The following SORBS3 variants were observed in gnomAD, a reference collection of about 807,000 sequenced individuals.
SORBS3 encodes vinexin.
SORBS3 carries 69 observed loss-of-function variants against 98.0 expected under a neutral mutation model. That is an observed-to-expected ratio of 0.70 (90% confidence interval 0.58 to 0.86). The LOEUF is 0.86. Among genes scored for constraint, SORBS3 ranks in the 40% least tolerant of loss-of-function variants. SORBS3 has a pLI of 0.00. For missense variants in SORBS3, 954 were observed against 908.5 expected (o/e 1.05, Z -0.64); for synonymous variants, 394 against 355.4 (o/e 1.11, Z -1.22).
Position 22,572,325 on chromosome 8 carries a change from A to T in SORBS3, c.1848-15A>T. The stretch of plus-strand genomic sequence containing the variant: ...CTGGGCCCATTCTCTGGTTGCCATG[A>T]TACGCTTCTCGCAGGTACCGGGCGA... On this transcript the variant is annotated splice_polypyrimidine_tract_variant and intron_variant, in intron 19 of 20. Transcript: ENST00000240123. The T allele has an allele frequency of 6.2e-7, 1 of 1,610,866 alleles. No homozygotes were observed.
Position 22,574,849 on chromosome 8 carries a change from G to T in SORBS3, c.*121G>T. On this transcript the variant is annotated 3_prime_UTR_variant, in exon 21 of 21. Transcript: ENST00000240123. ...AGGACCTGAGCTCCCAGCATCTGCA[G>T]ACGACCCCCGCAGCCTTTCCCTCGG... 1 of 966,694 alleles carries T rather than the reference G, an allele frequency of 1.0e-6. No individual in the cohort carries two copies. The highest frequency in any genetic ancestry group is 1.3e-5 in the South Asian group (1 of 77,712). 59.9% of individuals were successfully genotyped at this position (966,694 alleles called of 1,614,324 possible).
chr8:22,569,292 G>C lies in SORBS3; in HGVS notation c.1431+19G>C. On this transcript the variant is annotated intron_variant, in intron 17 of 20. Coordinates refer to ENST00000240123, the MANE Select transcript of SORBS3 (RefSeq NM_005775.5). ...CCGCAAGGTGGGCCAGGCCGGAGAC[G>C]GAGGGGTGGGTGGGGGCAGGTGAAG... 1 of 1,570,136 alleles carries C rather than the reference G, an allele frequency of 6.4e-7. No individual in the cohort carries two copies. The highest frequency in any genetic ancestry group is 8.6e-7 in the Non-Finnish European group (1 of 1,156,664).
chr8:22,569,347 T>G, intron 17 of SORBS3, 74 bp downstream of exon 17: 1 of 743,340 alleles, frequency 1.3e-6, no homozygotes, highest in Non-Finnish European at 1.8e-6. Flanking sequence ...CTAAAAACAG[T>G]TTTTTTTTTT....
chr8:22,557,995 G>A, intron 4 of SORBS3, 134 bp from the exon 5 acceptor site: 1 of 790,108 alleles, frequency 1.3e-6, no homozygotes, highest in South Asian at 1.4e-5. Flanking sequence ...GATCGCAAGA[G>A]AAGCATTTCC....
intron 10 of SORBS3, 184 bp from the exon 11 acceptor site, chr8:22,565,084 G>A (rs1307207280): frequency 9.1e-6 from 13 of 1,433,424 alleles, no homozygotes; most frequent in Non-Finnish European, 1.2e-5. Flanking sequence ...GTGAGAGGCC[G>A]TGGCGGGGAT....
chr8:22,570,484 C>T (rs991077035), intron 17 of SORBS3, among the ~76,000 whole-genome samples: 5 of 152,202 alleles, frequency 3.3e-5, no homozygotes, highest in African/African-American at 1.2e-4. Flanking sequence ...GTTCACACCT[C>T]ATAGTGACAG....
Position 22,574,872 on chromosome 8 carries a change from C to T in SORBS3, c.*144C>T. The T allele has an allele frequency of 2.6e-6, 2 of 781,868 alleles. No homozygotes were observed. The highest frequency in any genetic ancestry group is 4.5e-6 in the Non-Finnish European group (2 of 447,494). 48.4% of individuals were successfully genotyped at this position (781,868 alleles called of 1,614,324 possible). ...CAGACGACCCCCGCAGCCTTTCCCT[C>T]GGACCCCCCTCGAAGCCCCCTGGAC... On this transcript the variant is annotated 3_prime_UTR_variant, in exon 21 of 21. Transcript: ENST00000240123.
chr8:22,571,731 C>A lies in SORBS3; in HGVS notation c.1757C>A (p.Pro586His). 2 of 1,613,816 alleles carry A rather than the reference C, an allele frequency of 1.2e-6. No individual in the cohort carries two copies. The highest frequency in any genetic ancestry group is 2.2e-5 in the East Asian group (1 of 44,878). Reference protein sequence around the residue: ...PRPQTQNLGTPGPALSHSRGP... With the variant: ...PRPQTQNLGTHGPALSHSRGP... ...GTCAACTCCCAGAATCTTGGCACCCCTGGTCCAGCTCTGTCCCACTCTCGA... is the reference window on the plus strand; with the variant it reads ...GTCAACTCCCAGAATCTTGGCACCCATGGTCCAGCTCTGTCCCACTCTCGA... Residue 586 changes from proline (P) to histidine (H), a missense_variant, in exon 19 of 21, where the codon CCT (proline) becomes CAT (histidine). By Grantham distance (77) the Pro-to-His change is moderately conservative (BLOSUM62 -2). Coordinates refer to ENST00000240123, the MANE Select transcript of SORBS3 (RefSeq NM_005775.5).
chr8:22,564,758 G>C (rs2117258705), intron 10 of SORBS3: 3 of 1,407,116 alleles, frequency 2.1e-6, no homozygotes, highest in East Asian at 2.6e-5. Flanking sequence ...GGAGTGGTCA[G>C]TGCGCACTGG....
intron 4 of SORBS3, among the ~76,000 whole-genome samples, chr8:22,557,381 T>C (rs2469765): frequency 0.49 from 74,974 of 152,022 alleles, 18,646 homozygotes; most frequent in African/African-American, 0.55. Context: ...CATCCACCTT[T>C]GTGTCTTGAG....
chr8:22,566,291 C>A lies in SORBS3; in HGVS notation c.951-54C>A, dbSNP rs570093991. ...GGGGTCAGAGCGGTCTAGGGGTGAC[C>A]AGGGTGGGGTGCGGAGCCCCAGGCT... On this transcript the variant is annotated intron_variant, in intron 12 of 20. Transcript: ENST00000240123. 5,210 of 1,586,708 alleles carry A rather than the reference C, an allele frequency of 3.3e-3. 10 individuals carry two copies. Among genetic ancestry groups the A allele is most frequent in the Non-Finnish European group, 4.0e-3 (4,726 of 1,168,790 alleles).
intron 12 of SORBS3, chr8:22,566,110 G>A (rs999698563): frequency 5.3e-6 from 3 of 566,456 alleles, no homozygotes; most frequent in Non-Finnish European, 8.0e-6. Flanking sequence ...GGGGCGCAGC[G>A]CGGTTAGGGC....
intron 6 of SORBS3, chr8:22,561,652 C>T: frequency 1.6e-6 from 1 of 615,970 alleles, no homozygotes; most frequent in Non-Finnish European, 2.9e-6. Flanking sequence ...ATCACCTACT[C>T]GGAGTTGTTT....
In SORBS3 at chr8:22,556,815, G is replaced by A; in HGVS notation, c.321G>A (p.Trp107Ter). The part of the protein sequence containing the change: ...SQHTQNWSAT[W>*]TKDSKRRDKR... ...ACACCCAGAACTGGTCAGCCACGTG[G>A]ACCAAGGACAGCAAGCGTCGGGACA... The change falls in exon 4 of 21, where the codon TGG becomes TGA. Residue 107 changes from tryptophan (W) to a stop codon, truncating the protein, a stop_gained. Transcript: ENST00000240123. LOFTEE classifies it high-confidence loss of function. 6.2e-7 allele frequency: 1 copy of A among 1,613,758 alleles called. No homozygotes were observed. Among genetic ancestry groups the A allele is most frequent in the South Asian group, 1.1e-5 (1 of 91,082 alleles).
intron 20 of SORBS3, 100 bp from the exon 21 acceptor site, chr8:22,574,567 C>T: frequency 8.5e-7 from 1 of 1,180,492 alleles, no homozygotes; most frequent in Non-Finnish European, 1.2e-6. Flanking sequence ...ACAGAACTCC[C>T]CTACAGTTCT....
intron 1 of SORBS3, among the ~76,000 whole-genome samples, chr8:22,545,913 G>A (rs997719868): frequency 2.0e-5 from 3 of 152,192 alleles, no homozygotes; most frequent in African/African-American, 7.2e-5. Context: ...CTCAGTGCAT[G>A]GTGACCCCCA....
At chr8:22,561,594 G>A (rs1840296218) in intron 6 of SORBS3, 1 of 616,804 alleles carries the variant, frequency 1.6e-6, no homozygotes, top group African/African-American at 1.8e-5. Flanking sequence ...GCCACTCCCT[G>A]GCCGGGATTT....
In SORBS3 at chr8:22,556,668, T is replaced by G; in HGVS notation, c.221-47T>G. On this transcript the variant is annotated intron_variant, in intron 3 of 20. Transcript: ENST00000240123. The stretch of plus-strand genomic sequence containing the variant: ...GAGCTAAGGGACACACAGGTTCAGG[T>G]GGAGACCCCTGCCTTTCACTAATGC... 3 of 1,556,776 alleles carry G rather than the reference T, an allele frequency of 1.9e-6. No individual in the cohort carries two copies. In the South Asian group the frequency reaches 3.4e-5, roughly 17 times the overall value.
Position 22,557,656 on chromosome 8 carries a change from A to T in SORBS3, c.415-473A>T, listed in dbSNP as rs1007785021. 5.3e-5 allele frequency among the ~76,000 whole-genome samples: 8 copies of T among 152,128 alleles called. No homozygotes were observed. In the East Asian group the frequency reaches 9.6e-4, roughly 18 times the overall value. On this transcript the variant is annotated intron_variant, in intron 4 of 20. Transcript: ENST00000240123. Reference sequence around the variant, plus strand: ...CCCTGTCTCTATAAAAAAAAAAATAAAATAAAATTAGCTAGGCAAGGTGGT... The same window carrying T: ...CCCTGTCTCTATAAAAAAAAAAATATAATAAAATTAGCTAGGCAAGGTGGT...
Sources: gnomAD v4.1 joint callset for allele counts (sites outside exome capture counted in the v4.1 genomes callset) on GRCh38, gnomAD v4.1.1 for gene constraint, MANE v1.5 for transcripts, NCBI Gene and HGNC (gene_info 2026-07-23, HGNC 2026-07-21) for gene names.